The following ARSG variants were observed in gnomAD, a reference collection of about 807,000 sequenced individuals.
ARSG encodes the protein ASG.
A neutral mutation model predicts 50.5 loss-of-function variants in ARSG; 37 were observed. That is an observed-to-expected ratio of 0.73 (90% CI 0.56 to 0.96). The LOEUF is 0.96. Ranked by LOEUF, ARSG falls within the 50% of genes least tolerant of loss-of-function variation. ARSG has a pLI of 0.00. For synonymous variants in ARSG, 225 were observed against 254.6 expected (o/e 0.88, Z 1.11); for missense variants, 629 against 675.3 (o/e 0.93, Z 0.76).
upstream of ARSG, among the ~76,000 whole-genome samples, chr17:68,286,959 A>T (rs1050123982): frequency 2.0e-5 from 3 of 152,200 alleles, no homozygotes; most frequent in Non-Finnish European, 4.4e-5. Flanking sequence ...CTATTCTATG[A>T]CAGCTGTTTA....
At chr17:68,408,212 G>A (rs955049374) in intron 11 of ARSG, among the ~76,000 whole-genome samples, 17 of 151,538 alleles carry the variant, frequency 1.1e-4, no homozygotes, top group Non-Finnish European at 1.8e-4. Context: ...CCATGCTGGT[G>A]TGCTGCACCC....
At chr17:68,340,011 G>T (rs907637088) in intron 2 of ARSG, among the ~76,000 whole-genome samples, 4 of 152,124 alleles carry the variant, frequency 2.6e-5, no homozygotes, top group African/African-American at 9.7e-5. Context: ...TGAGGTGGAG[G>T]TGGGGTTGCA....
intron 8 of ARSG, among the ~76,000 whole-genome samples, chr17:68,377,372 T>A (rs1246974126): frequency 1.3e-5 from 2 of 152,244 alleles, no homozygotes; most frequent in African/African-American, 4.8e-5. Flanking sequence ...ATCTTGCTCT[T>A]TGAACCTAGC....
downstream of ARSG, among the ~76,000 whole-genome samples, chr17:68,426,882 A>G (rs557188186): frequency 1.8e-4 from 28 of 152,346 alleles, no homozygotes; most frequent in African/African-American, 6.7e-4. Flanking sequence ...CTTGTTAGGA[A>G]AAAGACCGTA....
At chr17:68,440,543 T>C in the ARSG span, among the ~76,000 whole-genome samples, 1 of 152,244 alleles carries the variant, frequency 6.6e-6, no homozygotes, top group Non-Finnish European at 1.5e-5. Flanking sequence ...GGCTTTTCAC[T>C]GTTCTGAACA....
At chr17:68,447,126 C>T in the ARSG span, among the ~76,000 whole-genome samples, 1 of 152,146 alleles carries the variant, frequency 6.6e-6, no homozygotes. Context: ...TTATCAATTA[C>T]AAAATATTTA....
chr17:68,297,318 T>C (rs781910941), intron 1 of ARSG, among the ~76,000 whole-genome samples: 25 of 152,370 alleles, frequency 1.6e-4, no homozygotes, highest in Non-Finnish European at 2.9e-4. Context: ...ATGCCAGCTA[T>C]TATTAGAGTC....
intron 1 of ARSG, chr17:68,259,454 C>T (rs1352915682): frequency 2.0e-5 from 3 of 152,200 alleles, no homozygotes; most frequent in African/African-American, 7.2e-5. Context: ...TCAAGTAGAG[C>T]ATTTAAAAAG....
intron 1 of ARSG, among the ~76,000 whole-genome samples, chr17:68,284,469 T>C (rs560744284): frequency 4.6e-5 from 7 of 152,266 alleles, no homozygotes; most frequent in Admixed American, 4.6e-4. Context: ...ACAGGTGAAT[T>C]TTCAGGGTCA....
chr17:68,436,488 G>A, the ARSG span: 3 of 1,612,726 alleles, frequency 1.9e-6, no homozygotes, highest in Non-Finnish European at 2.5e-6. Flanking sequence ...ACCTGGCAAA[G>A]AAGAAACAGA....
intron 1 of ARSG, chr17:68,274,219 A>T (rs2075437880): frequency 2.6e-6 from 2 of 757,976 alleles, no homozygotes; most frequent in Admixed American, 5.7e-5. Context: ...TAATCCCAGC[A>T]CTTTGGGAGG....
At chr17:68,321,324 C>T (rs185293884) in intron 2 of ARSG, among the ~76,000 whole-genome samples, 2 of 152,230 alleles carry the variant, frequency 1.3e-5, no homozygotes, top group Non-Finnish European at 2.9e-5. Context: ...TCTCAATGAT[C>T]TCACTTGACA....
At chr17:68,269,301 G>A (rs782673613) in intron 1 of ARSG, 2 of 1,284,398 alleles carry the variant, frequency 1.6e-6, no homozygotes, top group African/African-American at 1.7e-5. Flanking sequence ...AGCTGCGCAG[G>A]AGTAGAAGGC....
chr17:68,295,007 A>G (rs960288094), intron 1 of ARSG, among the ~76,000 whole-genome samples: 1 of 152,192 alleles, frequency 6.6e-6, no homozygotes, highest in Non-Finnish European at 1.5e-5. Flanking sequence ...GGCTTAGTAC[A>G]GTTGCTAAGT....
rs548979727 is a variant in ARSG, at chr17:68,400,856, A to G, written c.1213-504A>G. On this transcript the variant is annotated intron_variant, in intron 10 of 11. Coordinates refer to ENST00000621439, the MANE Select transcript of ARSG (RefSeq NM_001267727.2). ...TCTTCCAGAGTTGTAACCCACTCCC[A>G]TCAATTAACCAGCAAAATAACAACT... is the stretch of plus-strand genomic sequence containing the variant. 1.4e-4 allele frequency among the ~76,000 whole-genome samples: 21 copies of G among 152,266 alleles called. 1 individual carries two copies. In the South Asian group the frequency reaches 4.3e-3, roughly 32 times the overall value.
intron 10 of ARSG, 35 bp from the exon 11 acceptor site, chr17:68,401,325 T>G (rs1427099670): frequency 1.3e-5 from 20 of 1,596,738 alleles, no homozygotes; most frequent in Admixed American, 1.7e-5. Context: ...GTTCTGCCAA[T>G]TTTTCTATTA....
At chr17:68,377,516 T>C (rs1045889460) in intron 8 of ARSG, among the ~76,000 whole-genome samples, 2 of 152,164 alleles carry the variant, frequency 1.3e-5, no homozygotes, top group African/African-American at 4.8e-5. Flanking sequence ...CTCTTCTCAT[T>C]AGGTGGGGTT....
chr17:68,427,127 C>T (rs1353591542), downstream of ARSG: 1 of 1,611,438 alleles, frequency 6.2e-7, no homozygotes, highest in Non-Finnish European at 8.5e-7. Context: ...GGCCCCGTGT[C>T]CACCCACCTG....
intron 9 of ARSG, among the ~76,000 whole-genome samples, chr17:68,392,274 C>G (rs540059326): frequency 6.6e-6 from 1 of 152,296 alleles, no homozygotes; most frequent in East Asian, 1.9e-4. Flanking sequence ...CCTCTCTGTT[C>G]TTGCGGAAGA....
Sources: gnomAD v4.1 joint callset for allele counts (sites outside exome capture counted in the v4.1 genomes callset) on GRCh38, gnomAD v4.1.1 for gene constraint, MANE v1.5 for transcripts, NCBI Gene and HGNC (gene_info 2026-07-23, HGNC 2026-07-21) for gene names.